Variants in CTNNA3 observed in about 807,000 individuals in gnomAD.
The protein encoded by CTNNA3 is catenin alpha-3.
In CTNNA3, 76 loss-of-function variants were observed where a neutral mutation model predicts 95.7. The ratio of observed to expected loss-of-function variants is 0.79; its 90% CI spans 0.66 to 0.96. The LOEUF (loss-of-function observed/expected upper bound fraction) is 0.96. CTNNA3 is among the 40% of genes least tolerant of loss of function. The pLI, the probability that CTNNA3 is intolerant of heterozygous loss-of-function variation, is 0.00. For missense variants in CTNNA3, 1,191 were observed against 1,089.8 expected, an observed-to-expected ratio of 1.09 and a Z score of -1.31; for synonymous variants, 431 against 374.4, an observed-to-expected ratio of 1.15 and a Z score of -1.74.
At chr10:66,256,195 G>T (rs72799125) in intron 13 of CTNNA3, among the ~76,000 whole-genome samples, 10,668 of 152,194 alleles carry the variant, frequency 0.07, 691 homozygotes, top group African/African-American at 0.17. Context: ...GGAGCCATCT[G>T]AGAATCCTGC....
intron 7 of CTNNA3, among the ~76,000 whole-genome samples, chr10:66,784,761 C>T (rs1840674219): frequency 6.6e-6 from 1 of 152,068 alleles, no homozygotes; most frequent in African/African-American, 2.4e-5. Context: ...GTATAAAGGT[C>T]AAAACATGTG....
Position 66,019,729 on chromosome 10 carries a change from A to T in CTNNA3, c.2160-30932T>A, listed in dbSNP as rs2079162938. 2.0e-5 allele frequency among the ~76,000 whole-genome samples: 3 copies of T among 152,142 alleles called. No homozygotes were observed. The South Asian group carries it at 6.3e-4, about 32-fold the overall frequency. On this transcript the variant is annotated intron_variant, in intron 15 of 17. Transcript: ENST00000433211. The stretch of plus-strand genomic sequence containing the variant: ...AAATTTAAATAAAAGAAATGGGCAA[A>T]AAAAATAGTTAAAAAATTGCTTAGT...
intron 9 of CTNNA3, among the ~76,000 whole-genome samples, chr10:66,731,239 C>A (rs185008085): frequency 1.3e-5 from 2 of 152,150 alleles, no homozygotes; most frequent in Non-Finnish European, 2.9e-5. Context: ...CAATCTGAAT[C>A]CCCAAGTTCA....
intron 7 of CTNNA3, among the ~76,000 whole-genome samples, chr10:66,845,707 A>AC (rs1843227493): frequency 1.6e-5 from 1 of 61,198 alleles, no homozygotes; most frequent in Non-Finnish European, 2.9e-5. Flanking sequence ...CTGTCTCAAA[A>AC]AAAAAAAAAA....
intron 12 of CTNNA3, among the ~76,000 whole-genome samples, chr10:66,372,950 C>T (rs2092765232): frequency 6.6e-6 from 1 of 152,130 alleles, no homozygotes; most frequent in Admixed American, 6.6e-5. Context: ...AGCCAAACCA[C>T]ATCAGTTACA....
chr10:66,312,795 T>C (rs1589070146), intron 12 of CTNNA3, among the ~76,000 whole-genome samples: 1 of 152,226 alleles, frequency 6.6e-6, no homozygotes, highest in East Asian at 1.9e-4. Context: ...TACACCCACC[T>C]CGGCCTCCCA....
At position 66,360,800 on chromosome 10, in the gene CTNNA3, CCTTCCTTCCTTCCTTCCTTTCTTTCTTT is replaced by C. The variant is rs1464328160; in HGVS notation, c.1732+18324_1732+18351del. 4.0e-4 allele frequency among the ~76,000 whole-genome samples: 27 copies of C among 68,274 alleles called. 2 individuals carry two copies. The highest frequency in any genetic ancestry group is 1.7e-3 in the African/African-American group (24 of 14,444). 44.8% of individuals were successfully genotyped at this position (68,274 alleles called of 152,430 possible). A position where few individuals can be genotyped will look rare whatever the true frequency, so the allele number is the denominator to read the frequency against. Reference sequence around the variant, plus strand: ...TTCTTTCTTTCTTCCTTCCTTCCTTCCTTCCTTCCTTCCTTCCTTTCTTTCTTTCTTTCTTTCTTTCTTTCTTTCTTTC... The same window carrying C: ...TTCTTTCTTTCTTCCTTCCTTCCTTCCTTTCTTTCTTTCTTTCTTTCTTTC... On this transcript the variant is annotated intron_variant, in intron 12 of 17. Transcript: ENST00000433211.
intron 11 of CTNNA3, among the ~76,000 whole-genome samples, chr10:66,475,391 G>A (rs559209205): frequency 2.0e-5 from 3 of 151,936 alleles, no homozygotes; most frequent in East Asian, 1.9e-4. Flanking sequence ...TTTAAGTTTC[G>A]TATAGACTCT....
At chr10:66,658,264 G>T (rs1846139159) in intron 9 of CTNNA3, among the ~76,000 whole-genome samples, 1 of 140,080 alleles carries the variant, frequency 7.1e-6, no homozygotes. Context: ...CTCTCTCTCT[G>T]CATTCATTTC....
chr10:66,621,382 G>A (rs920447285), intron 10 of CTNNA3, among the ~76,000 whole-genome samples: 1 of 151,922 alleles, frequency 6.6e-6, no homozygotes, highest in Admixed American at 6.6e-5. Flanking sequence ...CCAACAGTTT[G>A]GGAGGCCGAG....
chr10:66,129,451 T>C (rs955398823), intron 13 of CTNNA3, among the ~76,000 whole-genome samples: 3 of 152,140 alleles, frequency 2.0e-5, no homozygotes, highest in Admixed American at 2.0e-4. Context: ...CCAGAGGGTT[T>C]GGTGTGGGAT....
chr10:67,079,525 G>A (rs572970906), intron 7 of CTNNA3, among the ~76,000 whole-genome samples: 2 of 152,276 alleles, frequency 1.3e-5, no homozygotes, highest in East Asian at 3.9e-4. Flanking sequence ...TTAAGCATCT[G>A]TGTTATAATT....
rs990650401 is a variant in CTNNA3 at position 66,227,052 on chromosome 10, A to G, written c.1884+53418T>C. Among the ~76,000 whole-genome samples, 9 of 152,066 alleles carry G rather than the reference A, an allele frequency of 5.9e-5. No homozygotes were observed. In the East Asian group the frequency reaches 1.7e-3, roughly 29 times the overall value. On this transcript the variant is annotated intron_variant, in intron 13 of 17. Coordinates refer to ENST00000433211, the MANE Select transcript of CTNNA3 (RefSeq NM_013266.4). The stretch of plus-strand genomic sequence containing the variant: ...GAGTTGGATATACTTTTTTAAAGAG[A>G]TAGGGTCTCACTGTGTAGCCCAGGC...
intron 1 of CTNNA3, among the ~76,000 whole-genome samples, chr10:67,671,287 GA>G (rs1363336889): frequency 2.0e-5 from 3 of 152,156 alleles, no homozygotes; most frequent in Admixed American, 6.6e-5. Context: ...AGCTGAAGAG[GA>G]AGGATGACAG....
chr10:67,140,413 A>C (rs1173189129), intron 7 of CTNNA3, among the ~76,000 whole-genome samples: 4 of 152,154 alleles, frequency 2.6e-5, no homozygotes, highest in South Asian at 2.1e-4. Flanking sequence ...AACACAGAAG[A>C]AGCATTCGAT....
intron 13 of CTNNA3, among the ~76,000 whole-genome samples, chr10:66,236,668 G>A (rs1376792204): frequency 1.3e-5 from 2 of 151,978 alleles, no homozygotes; most frequent in Non-Finnish European, 2.9e-5. Context: ...ATAATTTATC[G>A]GGTTTTCAGA....
intron 9 of CTNNA3, among the ~76,000 whole-genome samples, chr10:66,653,240 T>C (rs1351211307): frequency 6.6e-6 from 1 of 152,024 alleles, no homozygotes; most frequent in Non-Finnish European, 1.5e-5. Context: ...TAAACTACTC[T>C]TAAAACTGAT....
intron 4 of CTNNA3, among the ~76,000 whole-genome samples, chr10:67,536,155 G>A (rs186294092): frequency 6.6e-5 from 10 of 152,110 alleles, no homozygotes; most frequent in Admixed American, 6.6e-4. Flanking sequence ...GAAATTCTAT[G>A]GTATTTACCA....
intron 3 of CTNNA3, among the ~76,000 whole-genome samples, chr10:67,602,871 G>A (rs1446946829): frequency 6.6e-6 from 1 of 152,150 alleles, no homozygotes; most frequent in Admixed American, 6.5e-5. Flanking sequence ...AATTATGAGA[G>A]TTAATTTTCC....
Sources: allele counts gnomAD v4.1 joint callset (sites outside exome capture counted in the v4.1 genomes callset), GRCh38; gene constraint gnomAD v4.1.1; transcripts MANE v1.5; gene names NCBI Gene and HGNC (gene_info 2026-07-23, HGNC 2026-07-21).